Variants in AGAP4 observed in about 807,000 individuals in gnomAD.
AGAP4 encodes ArfGAP with GTPase domain, ankyrin repeat and PH domain 4, also known as arf-GAP with GTPase, ANK repeat and PH domain-containing protein 4.
A neutral mutation model predicts 60.7 loss-of-function variants in AGAP4; 13 were observed. That is an observed-to-expected ratio of 0.21 (90% CI 0.14 to 0.34). The LOEUF (loss-of-function observed/expected upper bound fraction) is 0.34. Ranked by LOEUF, AGAP4 falls within the 10% of genes least tolerant of loss-of-function variation. AGAP4 has a pLI of 1.00. For synonymous variants in AGAP4, 70 were observed against 339.0 expected, an observed-to-expected ratio of 0.21 and a Z score of 8.72; for missense variants, 169 against 884.0, an observed-to-expected ratio of 0.19 and a Z score of 10.26.
intron 1 of AGAP4, among the ~76,000 whole-genome samples, chr10:45,853,477 G>C (rs2059108163): frequency 6.6e-6 from 1 of 151,770 alleles, no homozygotes; most frequent in Admixed American, 6.6e-5. Flanking sequence ...CTCCCTAGCT[G>C]TGCTGACACT....
At chr10:45,852,233 A>T (rs1240045947), upstream of AGAP4, among the ~76,000 whole-genome samples, 1 of 143,542 alleles carries the variant, frequency 7.0e-6, no homozygotes, top group Non-Finnish European at 1.5e-5. Context: ...AAAAAAAAAA[A>T]AAAAAAAAAA....
intron 3 of AGAP4, among the ~76,000 whole-genome samples, chr10:45,844,073 A>G (rs2058962337): frequency 6.6e-6 from 1 of 150,660 alleles, no homozygotes; most frequent in East Asian, 1.9e-4. Flanking sequence ...AGAGAAATCC[A>G]TGACTCCTCC....
At chr10:45,844,655 C>A (rs2058972399) in intron 2 of AGAP4, among the ~76,000 whole-genome samples, 1 of 117,526 alleles carries the variant, frequency 8.5e-6, no homozygotes. Flanking sequence ...TAATGACACC[C>A]TCCTTTATTT....
At chr10:45,829,954 C>T (rs2058705009) in intron 6 of AGAP4, among the ~76,000 whole-genome samples, 2 of 147,458 alleles carry the variant, frequency 1.4e-5, no homozygotes, top group South Asian at 4.5e-4. Context: ...ATTATAAATG[C>T]AAGTATGGAG....
chr10:45,849,553 T>C (rs1298483420), upstream of AGAP4, among the ~76,000 whole-genome samples: 1 of 151,212 alleles, frequency 6.6e-6, no homozygotes, highest in Non-Finnish European at 1.5e-5. Context: ...TCTAATTTCA[T>C]TTTCAGATTG....
upstream of AGAP4, among the ~76,000 whole-genome samples, chr10:45,848,496 T>A (rs1411452185): frequency 1.0e-4 from 15 of 150,444 alleles, no homozygotes; most frequent in East Asian, 2.8e-3. Flanking sequence ...AAGTAGTGTG[T>A]GCCTGACAGT....
At position 45,827,307 on chromosome 10, in the gene AGAP4, G is replaced by C. The variant is rs1590011965; in HGVS notation, c.669C>G (p.Ser223Arg). 1 of 1,588,244 alleles carries C rather than the reference G, an allele frequency of 6.3e-7. No individual in the cohort carries two copies. Among genetic ancestry groups the C allele is most frequent in the Non-Finnish European group, 8.6e-7 (1 of 1,168,926 alleles). ...TGAACTGAGGGTCCTCCTGGCTGGT[G>C]CTGGGAGTCGATGGAATGGAGGAGG... Reference protein sequence around the residue: ...NYSSSIPSTPSTSQEDPQFSV... With the variant: ...NYSSSIPSTPRTSQEDPQFSV... Residue 223 changes from serine (S) to arginine (R), a missense_variant, in exon 8 of 8, where the codon AGC becomes AGG. Transcript: ENST00000616763.
At chr10:45,829,588 A>C (rs2058698805) in intron 6 of AGAP4, among the ~76,000 whole-genome samples, 1 of 152,214 alleles carries the variant, frequency 6.6e-6, no homozygotes. Context: ...GTGGTGCCAC[A>C]CATCTGTGGT....
intron 1 of AGAP4, 68 bp from the exon 2 acceptor site, chr10:45,846,823 C>T: frequency 1.6e-6 from 1 of 627,594 alleles, no homozygotes; most frequent in Non-Finnish European, 2.8e-6. Context: ...CTCATTTATT[C>T]AACTGCTGCT....
chr10:45,852,769 C>T, intron 1 of AGAP4, among the ~76,000 whole-genome samples: 1 of 152,054 alleles, frequency 6.6e-6, no homozygotes, highest in East Asian at 1.9e-4. Context: ...CTAGTAAAAT[C>T]TTCAGGACCT....
intron 4 of AGAP4, among the ~76,000 whole-genome samples, chr10:45,838,424 T>TC (rs2058859718): frequency 6.6e-6 from 1 of 151,512 alleles, no homozygotes; most frequent in Non-Finnish European, 1.5e-5. Flanking sequence ...TGCCACCTGT[T>TC]CCCCCAGAAA....
upstream of AGAP4, among the ~76,000 whole-genome samples, chr10:45,851,485 T>TTG (rs1174514323): frequency 9.3e-4 from 140 of 151,200 alleles, 1 homozygote; most frequent in African/African-American, 2.6e-3. Context: ...GTGATTGGGC[T>TTG]TGTGTGTGTG....
rs1261370656 is a variant in AGAP4, at chr10:45,852,544, C to CT, written n.221+1110dup. The stretch of plus-strand genomic sequence containing the variant: ...CAAAATGTGTGACTATTTACAAACT[C>CT]TAACATATAACTACAAAATGGACCA... On this transcript the variant is annotated intron_variant and non_coding_transcript_variant, in intron 1 of 9. Transcript: ENST00000430779. 3.3e-5 allele frequency among the ~76,000 whole-genome samples: 5 copies of CT among 151,466 alleles called. No homozygotes were observed. In the East Asian group the frequency reaches 5.8e-4, roughly 18 times the overall value.
At chr10:45,845,585 TA>T (rs1554899301) in intron 2 of AGAP4, among the ~76,000 whole-genome samples, 1 of 115,332 alleles carries the variant, frequency 8.7e-6, no homozygotes, top group Admixed American at 8.0e-5. Flanking sequence ...GTGTAGAGAC[TA>T]AAAAACTCCA....
At chr10:45,848,020 T>C (rs879996310), upstream of AGAP4, 11 of 993,742 alleles carry the variant, frequency 1.1e-5, no homozygotes, top group Admixed American at 5.3e-5. Context: ...ATACAAAGCC[T>C]CAGTAGAGTG....
intron 4 of AGAP4, among the ~76,000 whole-genome samples, chr10:45,838,507 A>C (rs1590028940): frequency 1.3e-5 from 2 of 150,078 alleles, no homozygotes; most frequent in Admixed American, 1.3e-4. Flanking sequence ...ACAAAGACTA[A>C]AGTTCATATT....
At chr10:45,853,344 A>G (rs1254975429) in intron 1 of AGAP4, among the ~76,000 whole-genome samples, 1 of 151,400 alleles carries the variant, frequency 6.6e-6, no homozygotes, top group Non-Finnish European at 1.5e-5. Flanking sequence ...ATCTTAATGA[A>G]TAACATCTTC....
chr10:45,846,187 A>C (rs2058996380), intron 2 of AGAP4, among the ~76,000 whole-genome samples: 1 of 151,786 alleles, frequency 6.6e-6, no homozygotes. Flanking sequence ...TAAGAACTTT[A>C]ACAGAAAAGA....
Position 45,830,227 on chromosome 10 carries a change from C to T in AGAP4, c.533+1167G>A, listed in dbSNP as rs1554896912. Among the ~76,000 whole-genome samples, 3 of 147,138 alleles carry T rather than the reference C, an allele frequency of 2.0e-5. No individual in the cohort carries two copies. The Admixed American group carries it at 2.0e-4, about 10-fold the overall frequency. On this transcript the variant is annotated intron_variant, in intron 6 of 7. Coordinates refer to ENST00000616763, the MANE Select transcript of AGAP4 (RefSeq NM_001276343.3). ...GCTCTCTGTCACCCAGGCTGGGGTG[C>T]AATGGCGAGATCTCGGCTCACTGCA...
Sources: gnomAD v4.1 joint callset for allele counts (sites outside exome capture counted in the v4.1 genomes callset) on GRCh38, gnomAD v4.1.1 for gene constraint, MANE v1.5 for transcripts, NCBI Gene and HGNC (gene_info 2026-07-23, HGNC 2026-07-21) for gene names.